The following LTBP1 variants were observed in gnomAD, a reference collection of about 807,000 sequenced individuals.
The protein encoded by LTBP1 is latent-transforming growth factor beta-binding protein 1.
Under a neutral mutation model 207.6 loss-of-function variants are expected in LTBP1, and 129 were observed. That is an observed-to-expected ratio of 0.62 (90% CI 0.54 to 0.72). The LOEUF is 0.72. Ranked by LOEUF, LTBP1 falls within the 30% of genes least tolerant of loss-of-function variation. The pLI is 0.00. For synonymous variants in LTBP1, 963 were observed against 833.7 expected, an observed-to-expected ratio of 1.16 and a Z score of -2.67; for missense variants, 2,281 against 2,217.2, an observed-to-expected ratio of 1.03 and a Z score of -0.58.
chr2:33,375,126 C>T (rs2095120624), intron 31 of LTBP1, among the ~76,000 whole-genome samples: 1 of 152,192 alleles, frequency 6.6e-6, no homozygotes, highest in South Asian at 2.1e-4. Flanking sequence ...ATGTTAATTT[C>T]CTCACTTGAA....
chr2:33,251,697 G>A (rs1421265698), intron 10 of LTBP1, among the ~76,000 whole-genome samples: 1 of 151,076 alleles, frequency 6.6e-6, no homozygotes, highest in Non-Finnish European at 1.5e-5. Flanking sequence ...AGATGCTAGA[G>A]GAATTGGGTA....
intron 20 of LTBP1, among the ~76,000 whole-genome samples, chr2:33,294,740 A>G (rs1013621333): frequency 3.3e-5 from 5 of 151,632 alleles, no homozygotes; most frequent in African/African-American, 1.2e-4. Flanking sequence ...CATCATGCCC[A>G]GCTAATTTTT....
chr2:33,387,063 C>T (rs1198694767), intron 31 of LTBP1, among the ~76,000 whole-genome samples: 4 of 152,066 alleles, frequency 2.6e-5, no homozygotes, highest in African/African-American at 9.7e-5. Context: ...CTCTTGATCT[C>T]GTGATCCACC....
At chr2:33,157,070 A>T (rs1349660741) in intron 5 of LTBP1, among the ~76,000 whole-genome samples, 1 of 152,236 alleles carries the variant, frequency 6.6e-6, no homozygotes, top group African/African-American at 2.4e-5. Context: ...GACTCCAGGC[A>T]TGCAGGGGAG....
At chr2:33,244,941 C>T (rs1474269005) in intron 10 of LTBP1, among the ~76,000 whole-genome samples, 2 of 152,034 alleles carry the variant, frequency 1.3e-5, no homozygotes, top group Non-Finnish European at 2.9e-5. Flanking sequence ...TGCAATGGTG[C>T]GATCTCCACT....
chr2:32,954,958 G>C (rs534266329), intron 2 of LTBP1, among the ~76,000 whole-genome samples: 24 of 152,254 alleles, frequency 1.6e-4, no homozygotes, highest in African/African-American at 5.5e-4. Context: ...ATTTTTACTG[G>C]GGCTCTTTTA....
chr2:33,032,438 G>A (rs1473847154), intron 3 of LTBP1, among the ~76,000 whole-genome samples: 2 of 152,104 alleles, frequency 1.3e-5, no homozygotes, highest in African/African-American at 4.8e-5. Flanking sequence ...CAACTTCCGT[G>A]TATCTTCTCT....
intron 5 of LTBP1, among the ~76,000 whole-genome samples, chr2:33,179,165 G>T (rs774199798): frequency 6.6e-6 from 1 of 151,992 alleles, no homozygotes; most frequent in African/African-American, 2.4e-5. Flanking sequence ...ACACAAATTT[G>T]CAAACTTTTT....
intron 18 of LTBP1, 124 bp downstream of exon 18, chr2:33,276,047 C>T (rs1350400525): frequency 1.6e-6 from 2 of 1,226,388 alleles, no homozygotes; most frequent in Non-Finnish European, 2.2e-6. Context: ...GCTCTTTCTG[C>T]TTCCTAGATT....
chr2:33,327,876 C>T (rs923584066), intron 24 of LTBP1, among the ~76,000 whole-genome samples: 5 of 151,810 alleles, frequency 3.3e-5, no homozygotes, highest in Non-Finnish European at 7.4e-5. Context: ...CAGTGACTCA[C>T]GCCTGTAATC....
intron 9 of LTBP1, among the ~76,000 whole-genome samples, chr2:33,240,296 T>C (rs2092265195): frequency 6.6e-6 from 1 of 152,220 alleles, no homozygotes; most frequent in Non-Finnish European, 1.5e-5. Context: ...TAAGTCTAAA[T>C]AGAATTCTGG....
In LTBP1 at chr2:33,186,924, A is replaced by G. The variant is rs144716939; in HGVS notation, c.1270A>G (p.Asn424Asp). ...SSRDKCQCPP[N>D]FTGKLCQIPV... ...AAGGGACAAATGTCAGTGCCCTCCA[A>G]ATTTCACAGGAAAACTTTGTCAGAT... is the stretch of plus-strand genomic sequence containing the variant. Residue 424 changes from asparagine to aspartate, a missense_variant, in exon 6 of 34, where the codon AAT (asparagine) becomes GAT (aspartate). Asn to Asp is a conservative substitution (Grantham distance 23). This residue lies in a region of LTBP1 where 55 missense variants were observed against 91.5 expected (regional missense o/e 0.60). Transcript: ENST00000404816. 1.9e-5 allele frequency: 30 copies of G among 1,614,066 alleles called. No individual in the cohort carries two copies. Among genetic ancestry groups the G allele is most frequent in the Non-Finnish European group, 2.4e-5 (28 of 1,180,036 alleles).
intron 3 of LTBP1, among the ~76,000 whole-genome samples, chr2:33,102,518 A>G (rs867539472): frequency 6.6e-6 from 1 of 152,148 alleles, no homozygotes; most frequent in African/African-American, 2.4e-5. Flanking sequence ...CTTATTTTCT[A>G]TATTTTTTCC....
At chr2:33,293,556 TACAC>T (rs2093816550) in intron 20 of LTBP1, among the ~76,000 whole-genome samples, 1 of 152,124 alleles carries the variant, frequency 6.6e-6, no homozygotes, top group Non-Finnish European at 1.5e-5. Context: ...ATAAAAGCAA[TACAC>T]ACAGTTGCAC....
intron 2 of LTBP1, among the ~76,000 whole-genome samples, chr2:32,992,534 C>T (rs1311242764): frequency 6.6e-6 from 1 of 152,202 alleles, no homozygotes. Flanking sequence ...AGAGCTCAGA[C>T]AGGCTTGATC....
At chr2:33,100,636 T>A (rs1479580522) in intron 3 of LTBP1, among the ~76,000 whole-genome samples, 2 of 152,116 alleles carry the variant, frequency 1.3e-5, no homozygotes, top group South Asian at 4.1e-4. Flanking sequence ...CACTACTTTC[T>A]GTTTCCAGAA....
rs557468242 is a variant in LTBP1, at chr2:33,371,820, G to A, written c.4711+6317G>A. The stretch of plus-strand genomic sequence containing the variant: ...AGTTACCCACAGTCAACCACGGTCC[G>A]AAATATTAAGGGGAAAATTCCAAAA... On this transcript the variant is annotated intron_variant, in intron 31 of 33. Transcript: ENST00000404816. Among the ~76,000 whole-genome samples, 225 of 152,262 alleles carry A rather than the reference G, an allele frequency of 1.5e-3. 1 individual carries two copies. Among genetic ancestry groups the A allele is most frequent in the African/African-American group, 5.2e-3 (215 of 41,538 alleles).
intron 10 of LTBP1, among the ~76,000 whole-genome samples, chr2:33,246,233 T>C (rs1322311853): frequency 6.6e-6 from 1 of 152,180 alleles, no homozygotes; most frequent in Non-Finnish European, 1.5e-5. Flanking sequence ...TTCTCTTTCC[T>C]CTGAATTTAC....
chr2:33,300,301 T>A, intron 20 of LTBP1, 150 bp from the exon 21 acceptor site: 1 of 601,432 alleles, frequency 1.7e-6, no homozygotes, highest in Non-Finnish European at 2.9e-6. Flanking sequence ...TACAACAGCA[T>A]GGGTGGAGTG....
Sources: gnomAD v4.1 joint callset for allele counts (sites outside exome capture counted in the v4.1 genomes callset) on GRCh38, gnomAD v4.1.1 for gene constraint, gnomAD v4.1.1 regional missense constraint, MANE v1.5 for transcripts, NCBI Gene and HGNC (gene_info 2026-07-23, HGNC 2026-07-21) for gene names.